Variants in SLC1A2 observed in about 807,000 individuals in gnomAD.
SLC1A2 encodes solute carrier family 1 member 2, also known as excitatory amino acid transporter 2.
A neutral mutation model predicts 48.8 loss-of-function variants in SLC1A2; 15 were observed. That is an observed-to-expected ratio of 0.31 (90% CI 0.21 to 0.47). SLC1A2 has a LOEUF of 0.47. Ranked by LOEUF, SLC1A2 falls within the 20% of genes least tolerant of loss-of-function variation. The probability of loss-of-function intolerance (pLI) is 0.99; values close to 1 mark genes in which losing one functional copy is unlikely to be tolerated. For synonymous variants in SLC1A2, 279 were observed against 272.6 expected, an observed-to-expected ratio of 1.02 and a Z score of -0.23; for missense variants, 502 against 730.5, an observed-to-expected ratio of 0.69 and a Z score of 3.61.
chr11:35,265,954 C>T (rs1338881827), intron 9 of SLC1A2, among the ~76,000 whole-genome samples, 196 bp from the exon 10 acceptor site: 2 of 152,194 alleles, frequency 1.3e-5, no homozygotes, highest in Non-Finnish European at 2.9e-5. Context: ...GCTTATACTT[C>T]TCTCATAGGC....
chr11:35,375,834 C>A (rs964509400), intron 1 of SLC1A2, among the ~76,000 whole-genome samples: 8 of 152,198 alleles, frequency 5.3e-5, no homozygotes, highest in African/African-American at 1.9e-4. Context: ...ACACTTCATA[C>A]TTCTACTTGA....
At chr11:35,382,488 A>G (rs1854459804) in intron 1 of SLC1A2, among the ~76,000 whole-genome samples, 1 of 152,240 alleles carries the variant, frequency 6.6e-6, no homozygotes, top group East Asian at 1.9e-4. Flanking sequence ...AAAAGGACAA[A>G]GCATAAGTTT....
chr11:35,393,235 A>AG (rs1267468091), intron 1 of SLC1A2, among the ~76,000 whole-genome samples: 1 of 152,234 alleles, frequency 6.6e-6, no homozygotes. Flanking sequence ...GCCTCCATGC[A>AG]GCTGCCAGAT....
At chr11:35,278,621 T>C (rs1292215733) in intron 9 of SLC1A2, among the ~76,000 whole-genome samples, 1 of 152,166 alleles carries the variant, frequency 6.6e-6, no homozygotes, top group Non-Finnish European at 1.5e-5. Flanking sequence ...AAGTCAGGCT[T>C]CTTTCTAGCC....
chr11:35,375,557 C>A (rs1002661265), intron 1 of SLC1A2, among the ~76,000 whole-genome samples: 16 of 152,180 alleles, frequency 1.1e-4, no homozygotes, highest in Non-Finnish European at 2.1e-4. Flanking sequence ...GGAGATGGAA[C>A]CCCCGTGTGG....
intron 1 of SLC1A2, among the ~76,000 whole-genome samples, chr11:35,326,829 T>G (rs910576144): frequency 2.0e-5 from 3 of 152,132 alleles, no homozygotes; most frequent in Non-Finnish European, 2.9e-5. Context: ...GAGAGAACTA[T>G]CCCTTTGGAT....
chr11:35,328,314 A>G (rs1004813118), intron 1 of SLC1A2, among the ~76,000 whole-genome samples: 2 of 152,178 alleles, frequency 1.3e-5, no homozygotes, highest in African/African-American at 4.8e-5. Flanking sequence ...GAGGGACCCT[A>G]ATGTCTGGTA....
intron 1 of SLC1A2, among the ~76,000 whole-genome samples, chr11:35,382,746 C>T (rs927948077): frequency 6.6e-6 from 1 of 151,410 alleles, no homozygotes; most frequent in Non-Finnish European, 1.5e-5. Flanking sequence ...CAGTGAGCTG[C>T]GATCACGCCA....
rs191979130 is a variant in SLC1A2 at position 35,309,889 on chromosome 11, T to C, written c.561+2309A>G. Among the ~76,000 whole-genome samples the C allele has an allele frequency of 4.6e-5, 7 of 152,304 alleles. No homozygotes were observed. The East Asian group carries it at 1.2e-3, about 25-fold the overall frequency. On this transcript the variant is annotated intron_variant, in intron 4 of 10. Coordinates refer to ENST00000278379, the MANE Select transcript of SLC1A2 (RefSeq NM_004171.4). ...TTGTCCTAATCCAAAGGGACCTTGA[T>C]ACTGAGCCTACTGAGGGACCAAGGC...
chr11:35,254,150 TCA>T lies in SLC1A2; in HGVS notation c.*6742_*6743del, dbSNP rs1392210195. On this transcript the variant is annotated 3_prime_UTR_variant, in exon 11 of 11. Coordinates refer to ENST00000278379, the MANE Select transcript of SLC1A2 (RefSeq NM_004171.4). ...TGCTGGCAACAAGATCAAGTTAGAT[TCA>T]CAGTTTGCCAGCTCTTTCCTCAAGC... 6.6e-6 allele frequency: 1 copy of T among 152,640 alleles called. No individual in the cohort carries two copies. Among genetic ancestry groups the T allele is most frequent in the Non-Finnish European group, 1.5e-5 (1 of 68,056 alleles). 9.5% of individuals were successfully genotyped at this position (152,640 alleles called of 1,614,324 possible).
intron 6 of SLC1A2, among the ~76,000 whole-genome samples, chr11:35,300,975 T>C (rs1184447966): frequency 6.6e-6 from 1 of 152,162 alleles, no homozygotes. Context: ...CGATGAGCCA[T>C]GATCACACCA....
intron 1 of SLC1A2, among the ~76,000 whole-genome samples, chr11:35,360,333 C>T (rs1853632407): frequency 6.6e-6 from 1 of 152,206 alleles, no homozygotes; most frequent in African/African-American, 2.4e-5. Flanking sequence ...TAGGCAAGAA[C>T]CATGGCTGTT....
intron 6 of SLC1A2, among the ~76,000 whole-genome samples, chr11:35,300,946 G>GGATCACT (rs1273261433): frequency 6.6e-6 from 1 of 152,182 alleles, no homozygotes; most frequent in South Asian, 2.1e-4. Context: ...TTGAGCTACA[G>GGATCACT]TGAGGGAGGC....
chr11:35,420,050 T>C, upstream of SLC1A2: 1 of 373,020 alleles, frequency 2.7e-6, no homozygotes, highest in Non-Finnish European at 5.7e-6. Flanking sequence ...GAAGCTCGAA[T>C]AAATCTCTGG....
At chr11:35,301,172 C>T (rs2134796724) in intron 6 of SLC1A2, among the ~76,000 whole-genome samples, 1 of 152,308 alleles carries the variant, frequency 6.6e-6, no homozygotes, top group Admixed American at 6.5e-5. Context: ...TTCCAGCCTC[C>T]AGAACCATAA....
chr11:35,407,639 G>A (rs995643466), intron 1 of SLC1A2, among the ~76,000 whole-genome samples: 5 of 152,212 alleles, frequency 3.3e-5, no homozygotes, highest in African/African-American at 1.2e-4. Context: ...ACCCAGCTCT[G>A]GCAAAGGCCA....
chr11:35,388,231 C>T (rs1490858623), intron 1 of SLC1A2, among the ~76,000 whole-genome samples: 1 of 152,146 alleles, frequency 6.6e-6, no homozygotes, highest in Non-Finnish European at 1.5e-5. Flanking sequence ...GAGAAAGACC[C>T]GATGAGTCAT....
intron 9 of SLC1A2, among the ~76,000 whole-genome samples, chr11:35,268,030 T>G (rs1264353372): frequency 2.0e-5 from 3 of 152,224 alleles, no homozygotes; most frequent in Non-Finnish European, 4.4e-5. Context: ...CATTTCCCCT[T>G]TAAATATGGA....
chr11:35,415,339 C>T (rs1855574651), intron 1 of SLC1A2, among the ~76,000 whole-genome samples: 1 of 152,200 alleles, frequency 6.6e-6, no homozygotes, highest in African/African-American at 2.4e-5. Flanking sequence ...AAATTATTTC[C>T]TGAGAATTAA....
Sources: allele counts gnomAD v4.1 joint callset (sites outside exome capture counted in the v4.1 genomes callset), GRCh38; gene constraint gnomAD v4.1.1; transcripts MANE v1.5; gene names NCBI Gene and HGNC (gene_info 2026-07-23, HGNC 2026-07-21).